MYRIP: variants seen among roughly 807,000 people sequenced by gnomAD.
The protein encoded by MYRIP is myosin VIIA and Rab interacting protein, also known as rab effector MyRIP.
A neutral mutation model predicts 98.0 loss-of-function variants in MYRIP; 49 were observed. The ratio of observed to expected loss-of-function variants is 0.50; its 90% CI spans 0.40 to 0.63. The LOEUF (loss-of-function observed/expected upper bound fraction) is 0.63. MYRIP is among the 30% of genes least tolerant of loss of function. The pLI, the probability that MYRIP is intolerant of heterozygous loss-of-function variation, is 0.00. For missense variants in MYRIP, 1,004 were observed against 1,058.2 expected (o/e 0.95, Z 0.71); for synonymous variants, 404 against 409.5 (o/e 0.99, Z 0.16).
chr3:40,136,680 C>G (rs1949780937), intron 3 of MYRIP, among the ~76,000 whole-genome samples: 1 of 152,114 alleles, frequency 6.6e-6, no homozygotes, highest in Non-Finnish European at 1.5e-5. Context: ...TTATAACAAA[C>G]TGTCTCTCAG....
At chr3:39,975,516 A>G (rs1456342752) in intron 2 of MYRIP, among the ~76,000 whole-genome samples, 1 of 151,980 alleles carries the variant, frequency 6.6e-6, no homozygotes, top group Non-Finnish European at 1.5e-5. Context: ...CAAGCTACCA[A>G]TGACTTTCTT....
intron 2 of MYRIP, among the ~76,000 whole-genome samples, chr3:39,963,862 C>T (rs766622703): frequency 6.6e-6 from 1 of 152,082 alleles, no homozygotes; most frequent in Non-Finnish European, 1.5e-5. Flanking sequence ...TGTTAGAAAT[C>T]TACATTTGCA....
At chr3:40,156,262 T>G (rs1314968034) in intron 4 of MYRIP, among the ~76,000 whole-genome samples, 1 of 151,932 alleles carries the variant, frequency 6.6e-6, no homozygotes, top group South Asian at 2.1e-4. Context: ...CCTTTCCCTA[T>G]TGCTTGTTTT....
intron 1 of MYRIP, among the ~76,000 whole-genome samples, chr3:39,831,578 G>A (rs1214585490): frequency 6.6e-6 from 1 of 151,830 alleles, no homozygotes; most frequent in Admixed American, 6.6e-5. Flanking sequence ...GAAATCTGGT[G>A]CATATTTTTC....
chr3:39,954,688 AAGTAGGCCTC>A (rs567114634), intron 2 of MYRIP, among the ~76,000 whole-genome samples: 75 of 152,308 alleles, frequency 4.9e-4, no homozygotes, highest in African/African-American at 1.8e-3. Context: ...GAGTTGACAG[AAGTAGGCCTC>A]AGACAATCGG....
chr3:40,157,911 G>A lies in MYRIP; in HGVS notation c.470-4819G>A, dbSNP rs919317883. Among the ~76,000 whole-genome samples the A allele has an allele frequency of 1.1e-4, 17 of 152,174 alleles. 1 individual carries two copies. Among genetic ancestry groups the A allele is most frequent in the South Asian group, 6.2e-4 (3 of 4,816 alleles). On this transcript the variant is annotated intron_variant, in intron 4 of 16. Coordinates refer to ENST00000302541, the MANE Select transcript of MYRIP (RefSeq NM_015460.4). ...CTTTTTCTTTATTAGTCTTGCTAGCGATTTATCAGTTTTGTTGATCCTTTC... is the reference window on the plus strand; with the variant it reads ...CTTTTTCTTTATTAGTCTTGCTAGCAATTTATCAGTTTTGTTGATCCTTTC...
chr3:40,135,827 A>C (rs1200482109), intron 3 of MYRIP, among the ~76,000 whole-genome samples: 1 of 152,252 alleles, frequency 6.6e-6, no homozygotes, highest in Admixed American at 6.5e-5. Flanking sequence ...ACAGACAAGC[A>C]AATGCTGAGA....
At chr3:40,041,560 C>A (rs1305953777) in intron 2 of MYRIP, among the ~76,000 whole-genome samples, 1 of 150,626 alleles carries the variant, frequency 6.6e-6, no homozygotes, top group Non-Finnish European at 1.5e-5. Context: ...TCAAAAATGT[C>A]ATGGTAATGA....
chr3:39,824,702 C>G (rs1194701102), intron 1 of MYRIP, among the ~76,000 whole-genome samples: 1 of 151,064 alleles, frequency 6.6e-6, no homozygotes, highest in Non-Finnish European at 1.5e-5. Flanking sequence ...ACTAATCCGA[C>G]TGATCGTTTT....
chr3:40,077,172 G>C (rs550903778), intron 3 of MYRIP, among the ~76,000 whole-genome samples: 1 of 152,244 alleles, frequency 6.6e-6, no homozygotes, highest in South Asian at 2.1e-4. Context: ...AGACCTTCGC[G>C]GTGAGTGTTA....
At chr3:39,958,330 G>C (rs1381567169) in intron 2 of MYRIP, among the ~76,000 whole-genome samples, 3 of 152,186 alleles carry the variant, frequency 2.0e-5, no homozygotes, top group East Asian at 1.9e-4. Context: ...CCAAAACAGA[G>C]ATATAGACTG....
At chr3:39,975,998 T>G (rs1945741022) in intron 2 of MYRIP, among the ~76,000 whole-genome samples, 1 of 152,112 alleles carries the variant, frequency 6.6e-6, no homozygotes, top group Non-Finnish European at 1.5e-5. Context: ...GGCAAGGACT[T>G]CATGTCTAAA....
chr3:40,102,959 T>G (rs975927943), intron 3 of MYRIP, among the ~76,000 whole-genome samples: 1 of 151,638 alleles, frequency 6.6e-6, no homozygotes, highest in Admixed American at 6.6e-5. Context: ...CTATTTAGGT[T>G]GTTTGTTTGT....
chr3:39,997,055 G>C lies in MYRIP; in HGVS notation c.111-46995G>C, dbSNP rs149513232. ...AGCAGTGTGTAGAGGGAAATTTATA[G>C]CACTAAATGCCCACAAGAGAAAGCA... On this transcript the variant is annotated intron_variant, in intron 2 of 16. Transcript: ENST00000302541. 8.9e-3 allele frequency among the ~76,000 whole-genome samples: 1,359 copies of C among 152,280 alleles called. 17 individuals carry two copies. The highest frequency in any genetic ancestry group is 0.031 in the African/African-American group (1,304 of 41,536).
intron 2 of MYRIP, among the ~76,000 whole-genome samples, chr3:39,987,891 C>T (rs905792191): frequency 1.3e-5 from 2 of 152,090 alleles, no homozygotes; most frequent in Non-Finnish European, 2.9e-5. Context: ...TTCACAATAG[C>T]AAAGACTTGG....
At chr3:40,179,165 G>C (rs987272742) in intron 8 of MYRIP, among the ~76,000 whole-genome samples, 2 of 152,190 alleles carry the variant, frequency 1.3e-5, no homozygotes, top group Non-Finnish European at 2.9e-5. Context: ...GGCGTGTGTT[G>C]CTTGTAATGA....
chr3:40,036,055 A>G (rs1397943644), intron 2 of MYRIP, among the ~76,000 whole-genome samples: 4 of 151,878 alleles, frequency 2.6e-5, no homozygotes, highest in African/African-American at 9.7e-5. Flanking sequence ...TTCTAGGAGG[A>G]GAAAATAGAG....
intron 3 of MYRIP, among the ~76,000 whole-genome samples, chr3:40,136,009 A>T (rs1291128083): frequency 3.3e-5 from 5 of 152,236 alleles, no homozygotes; most frequent in Admixed American, 1.3e-4. Flanking sequence ...CATCATAATG[A>T]CAGGATCAAA....
intron 1 of MYRIP, among the ~76,000 whole-genome samples, chr3:39,847,093 A>G (rs980982143): frequency 1.3e-5 from 2 of 152,218 alleles, no homozygotes; most frequent in Admixed American, 1.3e-4. Flanking sequence ...TTGACACATG[A>G]AATTAATAAT....
Sources: allele counts gnomAD v4.1 joint callset (sites outside exome capture counted in the v4.1 genomes callset), GRCh38; gene constraint gnomAD v4.1.1; transcripts MANE v1.5; gene names NCBI Gene and HGNC (gene_info 2026-07-23, HGNC 2026-07-21).